PTPRR: variants seen among roughly 807,000 people sequenced by gnomAD.
PTPRR encodes the protein protein tyrosine phosphatase receptor type R.
In PTPRR, 38 loss-of-function variants were observed where a neutral mutation model predicts 77.2. That is an observed-to-expected ratio of 0.49 (90% CI 0.38 to 0.65). The LOEUF (loss-of-function observed/expected upper bound fraction) is 0.65, where lower values mean the gene tolerates loss of function less well. Among genes scored for constraint, PTPRR ranks in the 30% least tolerant of loss-of-function variants. The pLI is 0.00. For synonymous variants in PTPRR, 299 were observed against 283.1 expected (o/e 1.06, Z -0.57); for missense variants, 744 against 799.2 (o/e 0.93, Z 0.83).
chr12:70,846,454 G>A (rs1892485185), intron 2 of PTPRR, among the ~76,000 whole-genome samples: 1 of 152,064 alleles, frequency 6.6e-6, no homozygotes, highest in Admixed American at 6.6e-5. Flanking sequence ...TTTAAGAAAT[G>A]GTTATATTAG....
chr12:70,677,912 C>T (rs1887507255), intron 10 of PTPRR, among the ~76,000 whole-genome samples: 1 of 152,046 alleles, frequency 6.6e-6, no homozygotes, highest in African/African-American at 2.4e-5. Context: ...TAATGCTGGC[C>T]TTGTAGAATG....
At chr12:70,813,755 C>A (rs1891850887) in intron 2 of PTPRR, among the ~76,000 whole-genome samples, 1 of 152,060 alleles carries the variant, frequency 6.6e-6, no homozygotes, top group Non-Finnish European at 1.5e-5. Context: ...TCAAAGAGGC[C>A]AAGGAGGCTA....
At chr12:70,757,286 T>C (rs1181664595) in intron 4 of PTPRR, among the ~76,000 whole-genome samples, 1 of 152,216 alleles carries the variant, frequency 6.6e-6, no homozygotes, top group African/African-American at 2.4e-5. Flanking sequence ...TCCTTTGAAA[T>C]ATAAGATTTG....
At chr12:70,703,288 A>G (rs935736456) in intron 6 of PTPRR, among the ~76,000 whole-genome samples, 28 of 152,148 alleles carry the variant, frequency 1.8e-4, no homozygotes, top group Admixed American at 3.9e-4. Flanking sequence ...TTTGGGGGGT[A>G]TGTTTCTGAA....
chr12:70,912,676 T>G (rs1893717122), intron 1 of PTPRR, among the ~76,000 whole-genome samples: 1 of 152,144 alleles, frequency 6.6e-6, no homozygotes, highest in South Asian at 2.1e-4. Context: ...GGAAAGTTTA[T>G]GCAGTCATTA....
At chr12:70,661,667 A>G (rs994885733) in intron 11 of PTPRR, among the ~76,000 whole-genome samples, 1 of 152,208 alleles carries the variant, frequency 6.6e-6, no homozygotes, top group Non-Finnish European at 1.5e-5. Flanking sequence ...AGCACGGGTG[A>G]GGGTGTGGCA....
intron 6 of PTPRR, among the ~76,000 whole-genome samples, chr12:70,737,531 T>TATCTATCC (rs1889910755): frequency 6.6e-6 from 1 of 151,674 alleles, no homozygotes; most frequent in South Asian, 2.1e-4. Flanking sequence ...TCTATCTATC[T>TATCTATCC]ATCTTTCGAG....
chr12:70,671,483 T>C (rs1050953789), intron 10 of PTPRR, among the ~76,000 whole-genome samples: 5 of 152,118 alleles, frequency 3.3e-5, no homozygotes, highest in African/African-American at 1.2e-4. Flanking sequence ...AGGCTAAAAA[T>C]TGTAACACGC....
At chr12:70,774,898 T>C (rs1891057256) in intron 2 of PTPRR, among the ~76,000 whole-genome samples, 1 of 152,196 alleles carries the variant, frequency 6.6e-6, no homozygotes. Context: ...CCTCTCCTCA[T>C]CCTATTATGT....
chr12:70,804,548 GA>G (rs372802025), intron 2 of PTPRR, among the ~76,000 whole-genome samples: 59 of 145,732 alleles, frequency 4.0e-4, no homozygotes, highest in African/African-American at 1.0e-3. Context: ...CTGGGTGACA[GA>G]AAAAAAAAAG....
chr12:70,823,922 T>C (rs909163477), intron 2 of PTPRR, among the ~76,000 whole-genome samples: 2 of 152,056 alleles, frequency 1.3e-5, no homozygotes, highest in African/African-American at 4.8e-5. Flanking sequence ...TGGTGGGTAG[T>C]GAGGCTCTGA....
chr12:70,763,555 A>G (rs1409011940), intron 3 of PTPRR, among the ~76,000 whole-genome samples: 8 of 152,152 alleles, frequency 5.3e-5, no homozygotes, highest in African/African-American at 1.7e-4. Context: ...AAATGAAACA[A>G]CTCACTCTCT....
intron 6 of PTPRR, among the ~76,000 whole-genome samples, chr12:70,715,612 G>C (rs564423082): frequency 6.6e-6 from 1 of 152,164 alleles, no homozygotes; most frequent in Non-Finnish European, 1.5e-5. Flanking sequence ...CCCCAGGCGC[G>C]TATTCTCTTT....
intron 10 of PTPRR, among the ~76,000 whole-genome samples, chr12:70,681,523 G>A (rs1887660078): frequency 6.6e-6 from 1 of 152,190 alleles, no homozygotes; most frequent in African/African-American, 2.4e-5. Flanking sequence ...AGCTAATACT[G>A]GCTGGGGAGA....
chr12:70,872,679 A>T (rs1404892531), intron 2 of PTPRR, among the ~76,000 whole-genome samples: 2 of 121,544 alleles, frequency 1.6e-5, no homozygotes, highest in Admixed American at 9.0e-5. Context: ...TGGGCGACAG[A>T]GTGAGACTCT....
At chr12:70,658,883 G>GGTTTT (rs1295017452) in intron 12 of PTPRR, among the ~76,000 whole-genome samples, 22 of 36,932 alleles carry the variant, frequency 6.0e-4, no homozygotes, top group African/African-American at 2.3e-3. Flanking sequence ...TTTTGCTCTA[G>GGTTTT]TTTTTTTTTT....
intron 1 of PTPRR, among the ~76,000 whole-genome samples, chr12:70,893,674 C>G (rs1489710762): frequency 3.3e-5 from 5 of 151,888 alleles, no homozygotes; most frequent in Non-Finnish European, 7.4e-5. Flanking sequence ...GCCTTCCTTT[C>G]TACATTTCCT....
chr12:70,839,030 A>G (rs958261235), intron 2 of PTPRR, among the ~76,000 whole-genome samples: 1 of 152,170 alleles, frequency 6.6e-6, no homozygotes, highest in African/African-American at 2.4e-5. Context: ...GAGGTCATGC[A>G]TACACCTTCC....
chr12:70,698,231 C>T, intron 8 of PTPRR, 34 bp downstream of exon 8: 1 of 1,575,722 alleles, frequency 6.3e-7, no homozygotes, highest in Non-Finnish European at 8.7e-7. Flanking sequence ...CCTTGCCCCC[C>T]ATACAATGCA....
Sources: gnomAD v4.1 joint callset for allele counts (sites outside exome capture counted in the v4.1 genomes callset) on GRCh38, gnomAD v4.1.1 for gene constraint, MANE v1.5 for transcripts, NCBI Gene and HGNC (gene_info 2026-07-23, HGNC 2026-07-21) for gene names.